MPPED2: variants seen among roughly 807,000 people sequenced by gnomAD.
The protein encoded by MPPED2 is metallophosphoesterase MPPED2.
MPPED2 carries 5 observed loss-of-function variants against 33.0 expected under a neutral mutation model. The observed-to-expected ratio is 0.15, with a 90% CI of 0.08 to 0.32. The LOEUF (loss-of-function observed/expected upper bound fraction) is 0.32, where lower values mean the gene tolerates loss of function less well. Among genes scored for constraint, MPPED2 ranks in the 10% least tolerant of loss-of-function variants. The pLI, the probability that MPPED2 is intolerant of heterozygous loss-of-function variation, is 1.00. For synonymous variants in MPPED2, 136 were observed against 141.9 expected, an observed-to-expected ratio of 0.96 and a Z score of 0.29; for missense variants, 275 against 372.1, an observed-to-expected ratio of 0.74 and a Z score of 2.15.
downstream of MPPED2, among the ~76,000 whole-genome samples, chr11:30,384,263 A>G (rs1947676807): frequency 6.6e-6 from 1 of 152,310 alleles, no homozygotes; most frequent in South Asian, 2.1e-4. Flanking sequence ...AATGTTATGT[A>G]TTGAGTTCAG....
At chr11:30,389,198 G>A (rs1166262658) in intron 6 of MPPED2, among the ~76,000 whole-genome samples, 1 of 152,084 alleles carries the variant, frequency 6.6e-6, no homozygotes, top group Non-Finnish European at 1.5e-5. Flanking sequence ...GGCCTCTAGC[G>A]ATGAAGCTGA....
chr11:30,518,670 G>T (rs1342370947), intron 3 of MPPED2, among the ~76,000 whole-genome samples: 1 of 152,128 alleles, frequency 6.6e-6, no homozygotes, highest in Non-Finnish European at 1.5e-5. Flanking sequence ...ATTTGTATGG[G>T]TTCCTACGTT....
At chr11:30,530,125 G>A (rs1009514266) in intron 3 of MPPED2, among the ~76,000 whole-genome samples, 1 of 152,126 alleles carries the variant, frequency 6.6e-6, no homozygotes, top group African/African-American at 2.4e-5. Flanking sequence ...ATTATAAAGT[G>A]GGAAACTCAA....
At chr11:30,565,281 C>T (rs1956399070) in intron 2 of MPPED2, among the ~76,000 whole-genome samples, 2 of 152,188 alleles carry the variant, frequency 1.3e-5, no homozygotes, top group South Asian at 2.1e-4. Context: ...GAGAGTGTTC[C>T]GGTTTTCTAC....
intron 4 of MPPED2, among the ~76,000 whole-genome samples, chr11:30,434,522 T>G (rs1949232546): frequency 6.6e-6 from 1 of 152,238 alleles, no homozygotes; most frequent in African/African-American, 2.4e-5. Context: ...AATTTTCATT[T>G]AAGATATTGA....
At chr11:30,434,382 T>C (rs1156411368) in intron 4 of MPPED2, among the ~76,000 whole-genome samples, 1 of 152,062 alleles carries the variant, frequency 6.6e-6, no homozygotes, top group Non-Finnish European at 1.5e-5. Context: ...TCATCCACAA[T>C]AGCCCCTGAA....
At chr11:30,518,348 AT>A (rs550222935) in intron 3 of MPPED2, among the ~76,000 whole-genome samples, 1 of 152,190 alleles carries the variant, frequency 6.6e-6, no homozygotes, top group African/African-American at 2.4e-5. Context: ...ATCCAGCTGT[AT>A]TTTTTAATGT....
At chr11:30,462,203 A>G (rs1950539616) in intron 4 of MPPED2, among the ~76,000 whole-genome samples, 1 of 152,250 alleles carries the variant, frequency 6.6e-6, no homozygotes, top group South Asian at 2.1e-4. Context: ...TTCCAGGGTA[A>G]AGATGTCCCC....
At chr11:30,581,592 C>T (rs560717460) in intron 1 of MPPED2, among the ~76,000 whole-genome samples, 28 of 152,236 alleles carry the variant, frequency 1.8e-4, no homozygotes, top group Admixed American at 1.5e-3. Flanking sequence ...ATCTTATCTG[C>T]TATTTCAAAT....
rs184372663 is a variant in MPPED2, at chr11:30,549,178, T to G, written c.129-13003A>C. Among the ~76,000 whole-genome samples the G allele has an allele frequency of 1.6e-3, 250 of 152,292 alleles. 3 individuals carry two copies. Among genetic ancestry groups the G allele is most frequent in the Non-Finnish European group, 2.8e-3 (192 of 68,022 alleles). On this transcript the variant is annotated intron_variant, in intron 2 of 6. Transcript: ENST00000358117. ...ATGCATCCCTATACACACATGAAAA[T>G]AACACACAAAGCCAATTACATCCTT...
intron 4 of MPPED2, among the ~76,000 whole-genome samples, chr11:30,467,199 TG>T (rs1276953338): frequency 6.6e-6 from 1 of 152,198 alleles, no homozygotes; most frequent in East Asian, 1.9e-4. Flanking sequence ...TCAACACATA[TG>T]GGAGGAGAGC....
chr11:30,530,520 A>G (rs1322568999), intron 3 of MPPED2, among the ~76,000 whole-genome samples: 2 of 152,238 alleles, frequency 1.3e-5, no homozygotes, highest in South Asian at 2.1e-4. Flanking sequence ...AAAGTAGCTT[A>G]CTGTGAAAGA....
chr11:30,478,899 A>AT (rs1435710914), intron 4 of MPPED2, among the ~76,000 whole-genome samples: 1 of 151,634 alleles, frequency 6.6e-6, no homozygotes, highest in Non-Finnish European at 1.5e-5. Flanking sequence ...TGTTCACAAT[A>AT]TGAGCAGGCT....
At chr11:30,414,188 G>A in intron 6 of MPPED2, 40 bp downstream of exon 6, 1 of 1,416,040 alleles carries the variant, frequency 7.1e-7, no homozygotes, top group Admixed American at 1.7e-5. Flanking sequence ...ATAGTGGACA[G>A]GGGCACAAAA....
At chr11:30,582,717 G>T (rs1027058910) in intron 1 of MPPED2, among the ~76,000 whole-genome samples, 1 of 152,180 alleles carries the variant, frequency 6.6e-6, no homozygotes, top group Non-Finnish European at 1.5e-5. Flanking sequence ...TGATCAATTT[G>T]CACTTCTACA....
At chr11:30,451,970 A>C in intron 4 of MPPED2, 2 of 985,438 alleles carry the variant, frequency 2.0e-6, no homozygotes, top group Non-Finnish European at 2.4e-6. Context: ...GCCTCAAAGA[A>C]ATGTGGGAAG....
At chr11:30,523,571 T>C (rs921177416) in intron 3 of MPPED2, among the ~76,000 whole-genome samples, 1 of 151,754 alleles carries the variant, frequency 6.6e-6, no homozygotes, top group Non-Finnish European at 1.5e-5. Context: ...CTGTGACAAC[T>C]TCCCCTTGTT....
chr11:30,487,082 G>A (rs2134159531), intron 4 of MPPED2, among the ~76,000 whole-genome samples: 1 of 152,330 alleles, frequency 6.6e-6, no homozygotes, highest in Non-Finnish European at 1.5e-5. Context: ...TATGCATAGA[G>A]GACAAAGTAC....
intron 6 of MPPED2, among the ~76,000 whole-genome samples, chr11:30,389,679 GA>G (rs967907055): frequency 2.7e-4 from 41 of 152,254 alleles, no homozygotes; most frequent in Middle Eastern, 6.8e-3. Flanking sequence ...TGCTTCTCTA[GA>G]AAATATGTTG....
Sources: gnomAD v4.1 joint callset for allele counts (sites outside exome capture counted in the v4.1 genomes callset) on GRCh38, gnomAD v4.1.1 for gene constraint, MANE v1.5 for transcripts, NCBI Gene and HGNC (gene_info 2026-07-23, HGNC 2026-07-21) for gene names.